Variants in DNAH11 observed in about 807,000 individuals in gnomAD.
DNAH11 encodes the protein dynein axonemal heavy chain 11.
A neutral mutation model predicts 526.0 loss-of-function variants in DNAH11; 442 were observed. The observed-to-expected ratio is 0.84, with a 90% CI of 0.78 to 0.91. The LOEUF is 0.91. Ranked by LOEUF, DNAH11 falls within the 40% of genes least tolerant of loss-of-function variation. DNAH11 has a pLI of 0.00. For synonymous variants in DNAH11, 2,461 were observed against 1,935.9 expected, an observed-to-expected ratio of 1.27 and a Z score of -7.12; for missense variants, 6,989 against 5,448.7, an observed-to-expected ratio of 1.28 and a Z score of -8.90.
intron 8 of DNAH11, among the ~76,000 whole-genome samples, chr7:21,580,871 C>T (rs1298479477): frequency 1.3e-5 from 2 of 152,214 alleles, no homozygotes; most frequent in Admixed American, 1.3e-4. Flanking sequence ...AACATAGCAT[C>T]TGGGATCAGG....
intron 18 of DNAH11, among the ~76,000 whole-genome samples, chr7:21,604,299 C>T (rs1204091625): frequency 2.0e-5 from 3 of 152,076 alleles, no homozygotes; most frequent in Non-Finnish European, 4.4e-5. Flanking sequence ...CTGTTAACAC[C>T]CACTTTAATT....
At chr7:21,874,928 C>A (rs1030727749) in intron 74 of DNAH11, among the ~76,000 whole-genome samples, 1 of 152,068 alleles carries the variant, frequency 6.6e-6, no homozygotes, top group South Asian at 2.1e-4. Context: ...AATATTCAGC[C>A]CCCTCTTAGA....
chr7:21,822,358 C>A (rs1200583355), intron 65 of DNAH11, among the ~76,000 whole-genome samples: 1 of 151,958 alleles, frequency 6.6e-6, no homozygotes, highest in Non-Finnish European at 1.5e-5. Context: ...TTTAAACAAC[C>A]ATATTTCAAG....
In DNAH11 at chr7:21,899,445, A is replaced by C; in HGVS notation, c.13159A>C (p.Thr4387Pro). The part of the protein sequence containing the change: ...SGFFNPQSFL[T>P]AIMQTMARKN... The stretch of plus-strand genomic sequence containing the variant: ...CTTCTTCAACCCTCAGTCCTTCTTA[A>C]CTGGTAAGGGCTGACGCAGTGCAGC... The change falls in exon 80 of 82, where the codon ACT (threonine) becomes CCT (proline). Residue 4387 changes from threonine (T) to proline (P), a missense_variant. Thr to Pro is a conservative substitution (Grantham distance 38). Transcript: ENST00000409508. 6.2e-7 allele frequency: 1 copy of C among 1,612,488 alleles called. No homozygotes were observed. Among genetic ancestry groups the C allele is most frequent in the Non-Finnish European group, 8.5e-7 (1 of 1,178,680 alleles).
chr7:21,635,974 C>A lies in DNAH11; in HGVS notation c.4604C>A (p.Thr1535Asn), dbSNP rs758270979. 5.0e-6 allele frequency: 8 copies of A among 1,613,666 alleles called. No homozygotes were observed. The South Asian group carries it at 8.8e-5, about 18-fold the overall frequency. Reference sequence around the variant, plus strand: ...AACATAGCAGACTTGGTCATCTTCACTTGGATGGAAGTCCAGCGAACTTGG... The same window carrying A: ...AACATAGCAGACTTGGTCATCTTCAATTGGATGGAAGTCCAGCGAACTTGG... ...KLNIADLVIF[T>N]WMEVQRTWSH... The change falls in exon 26 of 82, where the codon ACT becomes AAT. Residue 1535 changes from threonine (T) to asparagine (N), a missense_variant. Thr to Asn is a moderately conservative substitution (Grantham distance 65, BLOSUM62 0). Transcript: ENST00000409508.
Position 21,690,831 on chromosome 7 carries a change from G to C in DNAH11, c.5991G>C (p.Pro1997=). ...PSVGIFITMN[P]GYAGRTELPE... is the part of the protein sequence containing the mutation. ...TTGGAATATTTATTACTATGAACCC[G>C]GGTTATGCTGGTCGAACCGAATTAC... The change falls in exon 35 of 82, where the codon CCG becomes CCC. Residue 1997 remains proline, a synonymous_variant. Transcript: ENST00000409508. 2 of 1,612,674 alleles carry C rather than the reference G, an allele frequency of 1.2e-6. No homozygotes were observed. The highest frequency in any genetic ancestry group is 2.2e-5 in the South Asian group (2 of 90,686).
At chr7:21,742,563 C>T (rs1785954048) in intron 49 of DNAH11, among the ~76,000 whole-genome samples, 1 of 152,186 alleles carries the variant, frequency 6.6e-6, no homozygotes, top group South Asian at 2.1e-4. Flanking sequence ...ATGATCCAGT[C>T]ACCTCCCACC....
At chr7:21,651,766 G>A (rs1781784568) in intron 28 of DNAH11, among the ~76,000 whole-genome samples, 1 of 152,196 alleles carries the variant, frequency 6.6e-6, no homozygotes, top group South Asian at 2.1e-4. Flanking sequence ...TCAAATTTCA[G>A]CTACTATGGT....
rs186012262 is a variant in DNAH11 at position 21,638,251 on chromosome 7, G to A, written c.4817+549G>A. Among the ~76,000 whole-genome samples, 13 of 152,230 alleles carry A rather than the reference G, an allele frequency of 8.5e-5. No individual in the cohort carries two copies. The East Asian group carries it at 9.6e-4, about 11-fold the overall frequency. Reference sequence around the variant, plus strand: ...CTAAAATGATGGGTTGTGGAAGTGCGATCCTTTTTTTATTGCAAGGTAAGG... The same window carrying A: ...CTAAAATGATGGGTTGTGGAAGTGCAATCCTTTTTTTATTGCAAGGTAAGG... On this transcript the variant is annotated intron_variant, in intron 27 of 81. Coordinates refer to ENST00000409508, the MANE Select transcript of DNAH11 (RefSeq NM_001277115.2).
chr7:21,852,532 T>G lies in DNAH11; in HGVS notation c.10962T>G (p.Leu3654=). The change falls in exon 67 of 82, where the codon CTT becomes CTG. Residue 3654 remains leucine, a synonymous_variant. Transcript: ENST00000409508. ...TCAAGTATCTGGAAGACGATCTCCTTTTGCGCCTTTCTGCGGCAGAGGGAA... is the reference window on the plus strand; with the variant it reads ...TCAAGTATCTGGAAGACGATCTCCTGTTGCGCCTTTCTGCGGCAGAGGGAA... The part of the protein sequence containing the change: ...IELKYLEDDL[L]LRLSAAEGSF... 6.2e-7 allele frequency: 1 copy of G among 1,613,722 alleles called. No homozygotes were observed. The highest frequency in any genetic ancestry group is 8.5e-7 in the Non-Finnish European group (1 of 1,179,752).
intron 44 of DNAH11, among the ~76,000 whole-genome samples, chr7:21,723,747 C>G (rs1250931529): frequency 6.7e-6 from 1 of 150,326 alleles, no homozygotes; most frequent in East Asian, 1.9e-4. Context: ...CACTCCCCCA[C>G]CCCTCCACCC....
intron 54 of DNAH11, 45 bp from the exon 55 acceptor site, chr7:21,765,383 C>G: frequency 6.2e-7 from 1 of 1,611,676 alleles, no homozygotes; most frequent in Admixed American, 1.7e-5. Context: ...ATTCTCTGCT[C>G]ATTCATCACC....
intron 63 of DNAH11, 36 bp downstream of exon 63, chr7:21,808,085 A>C: frequency 7.3e-7 from 1 of 1,364,850 alleles, no homozygotes; most frequent in South Asian, 2.2e-5. Context: ...GCAGGTAGAA[A>C]GATCACATTG....
intron 24 of DNAH11, among the ~76,000 whole-genome samples, chr7:21,619,516 C>A (rs1405962959): frequency 6.6e-6 from 1 of 152,188 alleles, no homozygotes; most frequent in African/African-American, 2.4e-5. Flanking sequence ...CCCATTTAAT[C>A]TTCTGAGGTA....
chr7:21,658,237 A>T (rs1374061729), intron 29 of DNAH11, among the ~76,000 whole-genome samples: 1 of 152,118 alleles, frequency 6.6e-6, no homozygotes, highest in Admixed American at 6.6e-5. Context: ...ATTTCTGACA[A>T]GTGTGAAGAT....
chr7:21,621,958 G>A (rs150206745), intron 25 of DNAH11, among the ~76,000 whole-genome samples: 2,650 of 152,236 alleles, frequency 0.017, 83 homozygotes, highest in African/African-American at 0.059. Flanking sequence ...AGTGTTGGAA[G>A]TTCTGACCAG....
At chr7:21,708,742 C>T (rs1197987750) in intron 40 of DNAH11, among the ~76,000 whole-genome samples, 1 of 152,172 alleles carries the variant, frequency 6.6e-6, no homozygotes, top group Non-Finnish European at 1.5e-5. Context: ...GCCTCAGCAC[C>T]TCATGTTCCT....
At position 21,748,727 on chromosome 7, in the gene DNAH11, A is replaced by C. The variant is rs1482973839; in HGVS notation, c.8658A>C (p.Gly2886=). The C allele has an allele frequency of 6.2e-7, 1 of 1,612,870 alleles. No individual in the cohort carries two copies. The highest frequency in any genetic ancestry group is 2.2e-5 in the East Asian group (1 of 44,842). The stretch of plus-strand genomic sequence containing the variant: ...AGATCACTCTGACCGAGGGCTATGG[A>C]ATCCAGGAACTTCGGGTGAGTCAAG... The part of the protein sequence containing the change: ...VFQITLTEGY[G]IQELRVDLAN... The change falls in exon 52 of 82, where the codon GGA becomes GGC. Residue 2886 remains glycine (G), a synonymous_variant. Coordinates refer to ENST00000409508, the MANE Select transcript of DNAH11 (RefSeq NM_001277115.2).
At chr7:21,883,645 A>C (rs533136405) in intron 75 of DNAH11, among the ~76,000 whole-genome samples, 8 of 152,362 alleles carry the variant, frequency 5.3e-5, no homozygotes, top group Middle Eastern at 3.4e-3. Flanking sequence ...TCATACTTCA[A>C]AGGCCCTGTG....
Sources: gnomAD v4.1 joint callset for allele counts (sites outside exome capture counted in the v4.1 genomes callset) on GRCh38, gnomAD v4.1.1 for gene constraint, MANE v1.5 for transcripts, NCBI Gene and HGNC (gene_info 2026-07-23, HGNC 2026-07-21) for gene names.